The following BANK1 variants were observed in gnomAD, a reference collection of about 807,000 sequenced individuals.
The protein encoded by BANK1 is B cell scaffold protein with ankyrin repeats 1.
Under a neutral mutation model 94.5 loss-of-function variants are expected in BANK1, and 95 were observed. The observed-to-expected ratio is 1.00, with a 90% CI of 0.85 to 1.19. BANK1 has a LOEUF of 1.19. Among genes scored for constraint, BANK1 ranks in the 50% most tolerant of loss-of-function variants. BANK1 has a pLI of 0.00. For synonymous variants in BANK1, 334 were observed against 308.4 expected, an observed-to-expected ratio of 1.08 and a Z score of -0.87; for missense variants, 987 against 932.2, an observed-to-expected ratio of 1.06 and a Z score of -0.77.
chr4:101,794,084 A>C (rs1435310303), intron 1 of BANK1, among the ~76,000 whole-genome samples: 2 of 152,166 alleles, frequency 1.3e-5, no homozygotes, highest in Admixed American at 6.5e-5. Flanking sequence ...AAGAATTCAT[A>C]ATGAGAAGAA....
At chr4:101,906,268 T>C (rs1387568712) in intron 6 of BANK1, among the ~76,000 whole-genome samples, 1 of 152,200 alleles carries the variant, frequency 6.6e-6, no homozygotes, top group South Asian at 2.1e-4. Flanking sequence ...CCATACTGAT[T>C]TATAGCTTGT....
At chr4:101,965,719 A>G (rs867703353) in intron 7 of BANK1, among the ~76,000 whole-genome samples, 53 of 152,008 alleles carry the variant, frequency 3.5e-4, no homozygotes, top group African/African-American at 1.1e-3. Flanking sequence ...CTCTCATATT[A>G]GTTGGACATT....
chr4:101,894,027 A>C (rs761961308), intron 5 of BANK1, among the ~76,000 whole-genome samples: 1 of 152,008 alleles, frequency 6.6e-6, no homozygotes, highest in Non-Finnish European at 1.5e-5. Flanking sequence ...CCTTGTGTGT[A>C]TGGTCATCTC....
Position 101,866,644 on chromosome 4 carries a change from ACCCAGCCATCCC to A in BANK1, c.764-3860_764-3849del, listed in dbSNP as rs1728079688. Among the ~76,000 whole-genome samples, 17 of 118,390 alleles carry A rather than the reference ACCCAGCCATCCC, an allele frequency of 1.4e-4. 4 individuals carry two copies. The highest frequency in any genetic ancestry group is 2.2e-4 in the East Asian group (1 of 4,488). The allele number at this position is 118,390 out of a possible 152,430, so 77.7% of individuals were successfully genotyped here. A position where few individuals can be genotyped will look rare whatever the true frequency, so the allele number is the denominator to read the frequency against. The stretch of plus-strand genomic sequence containing the variant: ...GAAATGAGTATAGGAATACCATTTG[ACCCAGCCATCCC>A]ATTACTGGGTATATACCCAAAGGAC... On this transcript the variant is annotated intron_variant, in intron 4 of 16. Transcript: ENST00000322953.
chr4:102,025,586 G>A, intron 9 of BANK1, 77 bp downstream of exon 9: 3 of 1,373,876 alleles, frequency 2.2e-6, no homozygotes, highest in Non-Finnish European at 3.0e-6. Flanking sequence ...ATAGTGCAGT[G>A]GCAAATCTAT....
chr4:101,985,953 G>A (rs1725469081), intron 7 of BANK1, among the ~76,000 whole-genome samples: 1 of 152,094 alleles, frequency 6.6e-6, no homozygotes, highest in South Asian at 2.1e-4. Context: ...AAGGATAAAA[G>A]AGAACTGCAT....
At position 101,922,060 on chromosome 4, in the gene BANK1, CAGAG is replaced by C. The variant is rs1273356423; in HGVS notation, c.1206+3875_1206+3878del. Among the ~76,000 whole-genome samples, 36 of 106,516 alleles carry C rather than the reference CAGAG, an allele frequency of 3.4e-4. 1 individual carries two copies. In the East Asian group the frequency reaches 6.1e-3, roughly 18 times the overall value. 69.9% of individuals were successfully genotyped at this position (106,516 alleles called of 152,430 possible). On this transcript the variant is annotated intron_variant, in intron 7 of 16. Transcript: ENST00000322953. ...TGTGTGTGTGTGTGTGTGTGTGAGA[CAGAG>C]AGATTTTGTTGCCCTCCAGTATCTG...
intron 5 of BANK1, 104 bp downstream of exon 5, chr4:101,870,748 C>G (rs10516483): frequency 0.48 from 630,130 of 1,310,130 alleles, 154,402 homozygotes; most frequent in African/African-American, 0.75. Flanking sequence ...GATTGAATAA[C>G]AGTGAATTAC....
chr4:102,059,656 A>G (rs1013469298), intron 11 of BANK1, among the ~76,000 whole-genome samples: 2 of 152,208 alleles, frequency 1.3e-5, no homozygotes, highest in African/African-American at 4.8e-5. Context: ...GCTCCAAAAT[A>G]AACTCTTTTG....
intron 5 of BANK1, among the ~76,000 whole-genome samples, chr4:101,891,615 A>T (rs1721870368): frequency 6.6e-6 from 1 of 152,018 alleles, no homozygotes; most frequent in African/African-American, 2.4e-5. Context: ...GACTCTGATC[A>T]CAAGAATGTT....
At position 101,926,236 on chromosome 4, in the gene BANK1, A is replaced by G. The variant is rs543288199; in HGVS notation, c.1206+8047A>G. Among the ~76,000 whole-genome samples the G allele has an allele frequency of 1.0e-3, 155 of 151,806 alleles. 1 individual carries two copies. The highest frequency in any genetic ancestry group is 6.8e-3 in the Middle Eastern group (2 of 294). The stretch of plus-strand genomic sequence containing the variant: ...GAATCAGACTTATGAAAAAACAAGA[A>G]TATTCATCAAATATTACAGCTCTGA... On this transcript the variant is annotated intron_variant, in intron 7 of 16. Coordinates refer to ENST00000322953, the MANE Select transcript of BANK1 (RefSeq NM_017935.5).
chr4:102,028,753 T>C (rs189829250), intron 9 of BANK1, among the ~76,000 whole-genome samples: 1 of 152,158 alleles, frequency 6.6e-6, no homozygotes, highest in Non-Finnish European at 1.5e-5. Context: ...TATAAAAATA[T>C]GTCAAGATAT....
At chr4:101,886,381 A>G (rs1426210585) in intron 5 of BANK1, among the ~76,000 whole-genome samples, 1 of 152,226 alleles carries the variant, frequency 6.6e-6, no homozygotes, top group Non-Finnish European at 1.5e-5. Flanking sequence ...TCAAATGAAT[A>G]TAAACAAGAT....
At chr4:102,022,596 T>C (rs1018775612) in intron 8 of BANK1, among the ~76,000 whole-genome samples, 3 of 152,112 alleles carry the variant, frequency 2.0e-5, no homozygotes, top group African/African-American at 7.2e-5. Context: ...GGAGGGAGGA[T>C]TGCTACTGGT....
At chr4:101,888,757 T>G (rs1367877316) in intron 5 of BANK1, among the ~76,000 whole-genome samples, 2 of 152,218 alleles carry the variant, frequency 1.3e-5, no homozygotes, top group Non-Finnish European at 2.9e-5. Flanking sequence ...TTAGCAGTGC[T>G]CCGCATGTGG....
At chr4:101,858,926 T>C (rs979101813) in intron 3 of BANK1, among the ~76,000 whole-genome samples, 2 of 152,216 alleles carry the variant, frequency 1.3e-5, no homozygotes, top group African/African-American at 4.8e-5. Context: ...CGACAGACCA[T>C]GGATTATGTA....
intron 7 of BANK1, among the ~76,000 whole-genome samples, chr4:102,012,099 T>C (rs1726531226): frequency 6.6e-6 from 1 of 152,222 alleles, no homozygotes; most frequent in South Asian, 2.1e-4. Flanking sequence ...CATGCATTCT[T>C]ACAAGTTAAA....
rs755743651 is a variant in BANK1, at chr4:101,830,224, T to G, written c.469+18T>G. On this transcript the variant is annotated intron_variant, in intron 2 of 16. Transcript: ENST00000322953. ...ATTCAAAGGTAGTGTTGCCAAACCT[T>G]GTTTGTTTTATTTTTATTTGTTTTT... 6.8e-7 allele frequency: 1 copy of G among 1,460,626 alleles called. No homozygotes were observed. The highest frequency in any genetic ancestry group is 2.4e-5 in the East Asian group (1 of 41,402). The allele number at this position is 1,460,626 out of a possible 1,614,324, so 90.5% of individuals were successfully genotyped here.
chr4:101,947,085 A>C (rs1262966055), intron 7 of BANK1, among the ~76,000 whole-genome samples: 1 of 151,542 alleles, frequency 6.6e-6, no homozygotes, highest in Non-Finnish European at 1.5e-5. Context: ...TACCATACTC[A>C]CCTGAGGACT....
Sources: allele counts gnomAD v4.1 joint callset (sites outside exome capture counted in the v4.1 genomes callset), GRCh38; gene constraint gnomAD v4.1.1; transcripts MANE v1.5; gene names NCBI Gene and HGNC (gene_info 2026-07-23, HGNC 2026-07-21).